Variants in PLPPR1 observed in about 807,000 individuals in gnomAD.
PLPPR1 encodes phospholipid phosphatase related 1.
Under a neutral mutation model 33.1 loss-of-function variants are expected in PLPPR1, and 10 were observed. That is an observed-to-expected ratio of 0.30 (90% CI 0.19 to 0.51). The LOEUF (loss-of-function observed/expected upper bound fraction) is 0.51, where lower values mean the gene tolerates loss of function less well. PLPPR1 is among the 20% of genes least tolerant of loss of function. The pLI, the probability that PLPPR1 is intolerant of heterozygous loss-of-function variation, is 0.97. For missense variants in PLPPR1, 304 were observed against 408.1 expected, an observed-to-expected ratio of 0.74 and a Z score of 2.20; for synonymous variants, 151 against 151.0, an observed-to-expected ratio of 1.00 and a Z score of 0.00.
intron 4 of PLPPR1, among the ~76,000 whole-genome samples, chr9:101,288,244 C>G (rs1175768758): frequency 1.3e-5 from 2 of 152,138 alleles, no homozygotes; most frequent in Non-Finnish European, 2.9e-5. Context: ...CCACTTGAGA[C>G]ACCACATTGG....
chr9:101,181,718 T>TATACG (rs1564168178), intron 1 of PLPPR1, among the ~76,000 whole-genome samples: 1 of 116,308 alleles, frequency 8.6e-6, no homozygotes, highest in African/African-American at 3.3e-5. Context: ...ACCAAATTAC[T>TATACG]ATTTGGGGGT....
At chr9:101,037,642 G>C (rs1830025453) in intron 1 of PLPPR1, among the ~76,000 whole-genome samples, 1 of 152,108 alleles carries the variant, frequency 6.6e-6, no homozygotes, top group Non-Finnish European at 1.5e-5. Flanking sequence ...CCCAGCCTTT[G>C]CTAGCTATCG....
At chr9:101,085,189 G>C (rs1408716792) in intron 1 of PLPPR1, among the ~76,000 whole-genome samples, 2 of 152,156 alleles carry the variant, frequency 1.3e-5, no homozygotes, top group African/African-American at 4.8e-5. Flanking sequence ...AAGAGGGAGG[G>C]GGTGAAAAAG....
chr9:101,087,549 C>G (rs1830693886), intron 1 of PLPPR1, among the ~76,000 whole-genome samples: 1 of 152,222 alleles, frequency 6.6e-6, no homozygotes, highest in Non-Finnish European at 1.5e-5. Flanking sequence ...TTTTTATTCA[C>G]TCTAGCTTTG....
Position 101,245,851 on chromosome 9 carries a change from CA to C in PLPPR1, c.64-24026del, listed in dbSNP as rs565853150. On this transcript the variant is annotated intron_variant, in intron 2 of 7. Transcript: ENST00000374874. ...TCAGGGAACTTCTCCAAGTAGCTGT[CA>C]AATTACATATTTTGACATAGACTCC... Among the ~76,000 whole-genome samples, 266 of 151,470 alleles carry C rather than the reference CA, an allele frequency of 1.8e-3. 1 individual carries two copies. Among genetic ancestry groups the C allele is most frequent in the Non-Finnish European group, 2.6e-3 (175 of 67,798 alleles).
chr9:101,189,268 A>G (rs1366837258), intron 2 of PLPPR1, among the ~76,000 whole-genome samples: 1 of 152,160 alleles, frequency 6.6e-6, no homozygotes, highest in African/African-American at 2.4e-5. Flanking sequence ...GTAGATTTAA[A>G]AATTTTCTGA....
chr9:101,247,163 G>A lies in PLPPR1; in HGVS notation c.64-22717G>A, dbSNP rs117430962. On this transcript the variant is annotated intron_variant, in intron 2 of 7. Transcript: ENST00000374874. ...AAGAGGTGCCCAAAGCAGCTTCTGCGGCAATGACAAGACTCCTTCCTGAAG... is the reference window on the plus strand; with the variant it reads ...AAGAGGTGCCCAAAGCAGCTTCTGCAGCAATGACAAGACTCCTTCCTGAAG... Among the ~76,000 whole-genome samples the A allele has an allele frequency of 7.1e-4, 108 of 152,038 alleles. 1 individual carries two copies. In the East Asian group the frequency reaches 9.2e-3, roughly 13 times the overall value.
chr9:101,051,580 T>A (rs925759743), intron 1 of PLPPR1, among the ~76,000 whole-genome samples: 1 of 152,220 alleles, frequency 6.6e-6, no homozygotes, highest in African/African-American at 2.4e-5. Flanking sequence ...CTTCAGTACC[T>A]ACTGAAATCT....
intron 2 of PLPPR1, among the ~76,000 whole-genome samples, chr9:101,196,947 G>A (rs1826408041): frequency 6.6e-6 from 1 of 152,196 alleles, no homozygotes. Flanking sequence ...GGAGGGAATG[G>A]CTTCAAAGCA....
At chr9:101,054,850 T>C (rs1446450387) in intron 1 of PLPPR1, among the ~76,000 whole-genome samples, 2 of 152,124 alleles carry the variant, frequency 1.3e-5, no homozygotes, top group Admixed American at 6.5e-5. Context: ...GAATGGGAAT[T>C]GAGGAAGGCC....
chr9:101,189,417 T>A (rs768642554), intron 2 of PLPPR1, among the ~76,000 whole-genome samples: 3 of 152,108 alleles, frequency 2.0e-5, no homozygotes, highest in Non-Finnish European at 2.9e-5. Flanking sequence ...AAATGTTTCT[T>A]ATCACACTTA....
At chr9:101,189,858 G>A (rs1826265188) in intron 2 of PLPPR1, among the ~76,000 whole-genome samples, 1 of 152,024 alleles carries the variant, frequency 6.6e-6, no homozygotes, top group Non-Finnish European at 1.5e-5. Flanking sequence ...ATGCAATTAT[G>A]TATTTTCAGA....
chr9:101,298,396 A>G (rs187284813), intron 4 of PLPPR1, among the ~76,000 whole-genome samples: 1 of 152,196 alleles, frequency 6.6e-6, no homozygotes. Context: ...AATTTCCATA[A>G]ATCAAGTGTG....
At chr9:101,033,575 G>A (rs895064713) in intron 1 of PLPPR1, among the ~76,000 whole-genome samples, 1 of 152,144 alleles carries the variant, frequency 6.6e-6, no homozygotes, top group African/African-American at 2.4e-5. Flanking sequence ...CCAGGAAAGA[G>A]CATAGGAAGT....
chr9:101,141,518 A>G (rs1831450436), intron 1 of PLPPR1, among the ~76,000 whole-genome samples: 1 of 152,324 alleles, frequency 6.6e-6, no homozygotes, highest in East Asian at 1.9e-4. Flanking sequence ...ATTGAACTGA[A>G]GTAAAACTCA....
intron 1 of PLPPR1, among the ~76,000 whole-genome samples, chr9:101,165,683 C>T (rs1264833268): frequency 1.3e-5 from 2 of 152,140 alleles, no homozygotes. Context: ...GAAGAGGAGG[C>T]TGCAGGTGAT....
Position 101,316,484 on chromosome 9 carries a change from A to G in PLPPR1, c.814-881A>G, listed in dbSNP as rs543868395. ...AGCTGAGTGTAAGAGTGAGATGGAG[A>G]TGAGCCAGGTAGAGAGGATGCATGC... On this transcript the variant is annotated intron_variant, in intron 6 of 7. Transcript: ENST00000374874. 1.2e-4 allele frequency among the ~76,000 whole-genome samples: 18 copies of G among 151,906 alleles called. No individual in the cohort carries two copies. In the East Asian group the frequency reaches 2.9e-3, roughly 25 times the overall value.
chr9:101,296,820 T>C (rs1160623601), intron 4 of PLPPR1, among the ~76,000 whole-genome samples: 2 of 151,330 alleles, frequency 1.3e-5, no homozygotes, highest in Non-Finnish European at 2.9e-5. Context: ...CGGGGAGGGA[T>C]AGCATTAGGA....
At chr9:101,158,613 T>C (rs972769660) in intron 1 of PLPPR1, among the ~76,000 whole-genome samples, 1 of 152,208 alleles carries the variant, frequency 6.6e-6, no homozygotes, top group African/African-American at 2.4e-5. Context: ...GGAAAGTCTG[T>C]AACAGTGTAA....
Sources: gnomAD v4.1 joint callset for allele counts (sites outside exome capture counted in the v4.1 genomes callset) on GRCh38, gnomAD v4.1.1 for gene constraint, MANE v1.5 for transcripts, NCBI Gene and HGNC (gene_info 2026-07-23, HGNC 2026-07-21) for gene names.